Variants in EHBP1 observed in about 807,000 individuals in gnomAD.
EHBP1 encodes EH domain-binding protein 1.
Under a neutral mutation model 144.0 loss-of-function variants are expected in EHBP1, and 55 were observed. The ratio of observed to expected loss-of-function variants is 0.38; its 90% CI spans 0.31 to 0.48. The LOEUF (loss-of-function observed/expected upper bound fraction) is 0.48. Ranked by LOEUF, EHBP1 falls within the 20% of genes least tolerant of loss-of-function variation. The probability of loss-of-function intolerance (pLI) is 0.98; values close to 1 mark genes in which losing one functional copy is unlikely to be tolerated. For synonymous variants in EHBP1, 469 were observed against 472.7 expected, an observed-to-expected ratio of 0.99 and a Z score of 0.10; for missense variants, 1,200 against 1,364.2, an observed-to-expected ratio of 0.88 and a Z score of 1.90.
At position 62,985,409 on chromosome 2, in the gene EHBP1, A is replaced by G. The variant is rs535017749; in HGVS notation, c.2609-5307A>G. On this transcript the variant is annotated intron_variant, in intron 15 of 22. Transcript: ENST00000431489. ...ACTTATATTACTACTAATAAGTTATACCTACTTCACAACTGATGACAATAA... is the reference window on the plus strand; with the variant it reads ...ACTTATATTACTACTAATAAGTTATGCCTACTTCACAACTGATGACAATAA... Among the ~76,000 whole-genome samples the G allele has an allele frequency of 4.6e-5, 7 of 152,318 alleles. No individual in the cohort carries two copies. In the East Asian group the frequency reaches 1.4e-3, roughly 29 times the overall value.
Position 62,707,310 on chromosome 2 carries a change from G to C in EHBP1, c.104+15G>C. 6.3e-7 allele frequency: 1 copy of C among 1,596,406 alleles called. No homozygotes were observed. Among genetic ancestry groups the C allele is most frequent in the Non-Finnish European group, 8.6e-7 (1 of 1,163,920 alleles). ...ACGAAGAAATGGTAAGATGTACCTG[G>C]AGGTAGATTTTGCTGTGCTGTGGCC... is the stretch of plus-strand genomic sequence containing the variant. On this transcript the variant is annotated intron_variant, in intron 2 of 22. Coordinates refer to ENST00000431489, the MANE Select transcript of EHBP1 (RefSeq NM_001142616.3).
intron 14 of EHBP1, among the ~76,000 whole-genome samples, chr2:62,966,937 T>C (rs1472963676): frequency 6.6e-6 from 1 of 152,210 alleles, no homozygotes; most frequent in Non-Finnish European, 1.5e-5. Context: ...GATTTCTTAG[T>C]GCTGAGGCCA....
Position 63,045,325 on chromosome 2 carries a change from T to C in EHBP1, c.3393-85T>C. 1 of 1,432,718 alleles carries C rather than the reference T, an allele frequency of 7.0e-7. No individual in the cohort carries two copies. Among genetic ancestry groups the C allele is most frequent in the Non-Finnish European group, 9.7e-7 (1 of 1,027,428 alleles). 88.8% of individuals were successfully genotyped at this position (1,432,718 alleles called of 1,614,324 possible). A position where few individuals can be genotyped will look rare whatever the true frequency, so the allele number is the denominator to read the frequency against. On this transcript the variant is annotated intron_variant, in intron 22 of 22. Transcript: ENST00000431489. This position sits in a 1 kb window ranked among gnomAD's most constrained non-coding sequence, Gnocchi z 5.7. ...TCCCCATTCCCGCTGGGGATCCAAATACTGGGCGACGGGGGAGTGCTGCTC... is the reference window on the plus strand; with the variant it reads ...TCCCCATTCCCGCTGGGGATCCAAACACTGGGCGACGGGGGAGTGCTGCTC...
intron 19 of EHBP1, among the ~76,000 whole-genome samples, chr2:63,033,707 A>G (rs957658411): frequency 3.9e-5 from 6 of 152,254 alleles, no homozygotes; most frequent in Non-Finnish European, 5.9e-5. Flanking sequence ...ACTACTTCTG[A>G]AAAAATAAAT....
intron 3 of EHBP1, among the ~76,000 whole-genome samples, chr2:62,756,501 G>A (rs555520615): frequency 6.6e-6 from 1 of 152,118 alleles, no homozygotes; most frequent in Non-Finnish European, 1.5e-5. Context: ...GCGCGTGTTG[G>A]CTCATGCCTG....
intron 10 of EHBP1, among the ~76,000 whole-genome samples, chr2:62,941,049 C>G (rs2056728904): frequency 6.6e-6 from 1 of 152,044 alleles, no homozygotes; most frequent in South Asian, 2.1e-4. Flanking sequence ...ATTACCCATG[C>G]TTGGACTGAA....
In EHBP1 at chr2:62,864,789, C is replaced by A. The variant is rs375163741; in HGVS notation, c.816C>A (p.Ser272Arg). The change falls in exon 9 of 23, where the codon AGC (serine) becomes AGA (arginine). Residue 272 changes from serine (S) to arginine (R), a missense_variant. By Grantham distance (110) the Ser-to-Arg change is moderately radical. Around this residue, in one of 6 missense-constraint regions of EHBP1, gnomAD observed 266 missense variants for 262.4 expected, o/e 1.01. Transcript: ENST00000431489. ...CAGAAGACTCTTTTTATAATAACAG[C>A]TATAATCCCTTTAAAGAGGTGCAGA... ...RKTEDSFYNN[S>R]YNPFKEVQTP... The A allele has an allele frequency of 5.6e-6, 9 of 1,613,802 alleles. No individual in the cohort carries two copies. Among genetic ancestry groups the A allele is most frequent in the Non-Finnish European group, 6.8e-6 (8 of 1,179,884 alleles).
intron 2 of EHBP1, among the ~76,000 whole-genome samples, chr2:62,719,625 A>G (rs1029624336): frequency 3.3e-5 from 5 of 152,242 alleles, no homozygotes; most frequent in African/African-American, 1.2e-4. Context: ...CCAACTGTGG[A>G]TTGAAAATAT....
chr2:63,014,231 T>A (rs189653624), intron 19 of EHBP1, among the ~76,000 whole-genome samples: 4 of 152,348 alleles, frequency 2.6e-5, no homozygotes, highest in Admixed American at 2.0e-4. Context: ...AGCCTTTTAA[T>A]GCAACACCTT....
Position 62,729,637 on chromosome 2 carries a change from A to T in EHBP1, c.105-17758A>T, listed in dbSNP as rs368606503. Among the ~76,000 whole-genome samples the T allele has an allele frequency of 5.4e-3, 738 of 137,732 alleles. 5 individuals are homozygous for T. Among genetic ancestry groups the T allele is most frequent in the Middle Eastern group, 0.019 (5 of 270 alleles). 90.4% of individuals were successfully genotyped at this position (137,732 alleles called of 152,430 possible). A position where few individuals can be genotyped will look rare whatever the true frequency, so the allele number is the denominator to read the frequency against. On this transcript the variant is annotated intron_variant, in intron 2 of 22. Coordinates refer to ENST00000431489, the MANE Select transcript of EHBP1 (RefSeq NM_001142616.3). The stretch of plus-strand genomic sequence containing the variant: ...TAATAAATAAAATAAAATAAAATAA[A>T]ATAATATAATATAATATAATATTTT...
intron 1 of EHBP1, among the ~76,000 whole-genome samples, chr2:62,685,889 A>G (rs1283041922): frequency 1.3e-5 from 2 of 152,186 alleles, no homozygotes; most frequent in Admixed American, 6.5e-5. Flanking sequence ...AGCTTGAATG[A>G]TTTATATAAT....
chr2:62,716,463 C>T (rs2035688154), intron 2 of EHBP1, among the ~76,000 whole-genome samples: 1 of 152,186 alleles, frequency 6.6e-6, no homozygotes, highest in South Asian at 2.1e-4. Context: ...CATTCCAAAG[C>T]TGTGCTACTG....
intron 19 of EHBP1, among the ~76,000 whole-genome samples, chr2:63,013,367 A>G (rs961388467): frequency 6.6e-6 from 1 of 152,218 alleles, no homozygotes; most frequent in Non-Finnish European, 1.5e-5. Flanking sequence ...AAAGGTATGC[A>G]TTAAGATTCA....
At chr2:62,778,573 G>A (rs531906277) in intron 5 of EHBP1, among the ~76,000 whole-genome samples, 53 of 150,926 alleles carry the variant, frequency 3.5e-4, no homozygotes, top group Non-Finnish European at 6.8e-4. Context: ...CAAGGCAGTA[G>A]TGTAAATGCT....
chr2:62,752,443 AATGTAT>A (rs1176530362), intron 3 of EHBP1, among the ~76,000 whole-genome samples: 1 of 152,140 alleles, frequency 6.6e-6, no homozygotes, highest in Non-Finnish European at 1.5e-5. Flanking sequence ...TGCTGAGAAG[AATGTAT>A]ATTCTGTTGA....
At chr2:63,006,490 C>T (rs1255376793) in intron 19 of EHBP1, among the ~76,000 whole-genome samples, 1 of 151,774 alleles carries the variant, frequency 6.6e-6, no homozygotes, top group Non-Finnish European at 1.5e-5. Flanking sequence ...AGAAAAAAAC[C>T]TTTAACCAAT....
intron 10 of EHBP1, among the ~76,000 whole-genome samples, chr2:62,900,666 G>A (rs1407776666): frequency 7.2e-6 from 1 of 139,800 alleles, no homozygotes; most frequent in Non-Finnish European, 1.5e-5. Flanking sequence ...TTTGTTTTTT[G>A]TGGGTGTGTG....
At chr2:62,769,941 G>C (rs1373742544) in intron 4 of EHBP1, among the ~76,000 whole-genome samples, 1 of 152,054 alleles carries the variant, frequency 6.6e-6, no homozygotes, top group South Asian at 2.1e-4. Flanking sequence ...TTCAATAAAT[G>C]GTGCTGGAAT....
chr2:62,839,750 A>T (rs2047637432), intron 7 of EHBP1, among the ~76,000 whole-genome samples: 1 of 152,212 alleles, frequency 6.6e-6, no homozygotes, highest in Non-Finnish European at 1.5e-5. Flanking sequence ...TGCTTCAAAG[A>T]GAATAAAATA....
Sources: allele counts gnomAD v4.1 joint callset (sites outside exome capture counted in the v4.1 genomes callset), GRCh38; gene constraint gnomAD v4.1.1; regional missense constraint gnomAD v4.1.1; non-coding constraint Gnocchi (gnomAD v3.1); transcripts MANE v1.5; gene names NCBI Gene and HGNC (gene_info 2026-07-23, HGNC 2026-07-21).